NRXN3: variants seen among roughly 807,000 people sequenced by gnomAD.
NRXN3 encodes the protein neurexin 3.
A neutral mutation model predicts 137.6 loss-of-function variants in NRXN3; 32 were observed. That is an observed-to-expected ratio of 0.23 (90% confidence interval 0.18 to 0.31). The LOEUF (loss-of-function observed/expected upper bound fraction) is 0.31. NRXN3 is among the 10% of genes least tolerant of loss of function. The probability of loss-of-function intolerance (pLI) is 1.00; values close to 1 mark genes in which losing one functional copy is unlikely to be tolerated. For missense variants in NRXN3, 1,574 were observed against 2,062.5 expected, an observed-to-expected ratio of 0.76 and a Z score of 4.59; for synonymous variants, 798 against 784.5, an observed-to-expected ratio of 1.02 and a Z score of -0.29.
intron 4 of NRXN3, among the ~76,000 whole-genome samples, chr14:78,550,172 C>T (rs1373194312): frequency 1.3e-5 from 2 of 151,738 alleles, no homozygotes; most frequent in African/African-American, 2.4e-5. Flanking sequence ...GTAGCTGGAA[C>T]GACAGTCATG....
rs370708599 is a variant in NRXN3 at position 79,443,703 on chromosome 14, T to C, written c.3263-23518T>C. Among the ~76,000 whole-genome samples, 19 of 152,324 alleles carry C rather than the reference T, an allele frequency of 1.2e-4. No homozygotes were observed. The South Asian group carries it at 3.5e-3, about 28-fold the overall frequency. On this transcript the variant is annotated intron_variant, in intron 15 of 20. Transcript: ENST00000335750. ...CTCTGGTGTCCTGAATGAGGAATCT[T>C]TGGGGCAAGAAGGGTCCTGTCCTAT...
chr14:79,080,497 T>C (rs562986408), intron 15 of NRXN3, among the ~76,000 whole-genome samples: 1 of 139,936 alleles, frequency 7.1e-6, no homozygotes, highest in Non-Finnish European at 1.5e-5. Context: ...CCACACACAC[T>C]TTTCCCCCAG....
At chr14:78,753,357 C>T (rs1163235204) in intron 8 of NRXN3, among the ~76,000 whole-genome samples, 1 of 152,106 alleles carries the variant, frequency 6.6e-6, no homozygotes, top group Non-Finnish European at 1.5e-5. Flanking sequence ...ATCATTATGT[C>T]CTTAATTTCA....
chr14:78,881,905 A>G lies in NRXN3; in HGVS notation c.2275+71561A>G, dbSNP rs541508914. 7.3e-5 allele frequency among the ~76,000 whole-genome samples: 11 copies of G among 151,708 alleles called. No homozygotes were observed. In the South Asian group the frequency reaches 2.3e-3, roughly 31 times the overall value. ...AGAGACCACAACAGTCCCTCCCATCACAAACCTGGAGGCCTAGGAGGGAAA... is the reference window on the plus strand; with the variant it reads ...AGAGACCACAACAGTCCCTCCCATCGCAAACCTGGAGGCCTAGGAGGGAAA... On this transcript the variant is annotated intron_variant, in intron 10 of 20. Coordinates refer to ENST00000335750, the MANE Select transcript of NRXN3 (RefSeq NM_001330195.2).
intron 15 of NRXN3, among the ~76,000 whole-genome samples, chr14:79,293,079 T>G (rs917875499): frequency 8.5e-5 from 13 of 152,186 alleles, no homozygotes; most frequent in Non-Finnish European, 5.9e-5. Context: ...GTTTCTTGTT[T>G]TTTCCATGCC....
intron 10 of NRXN3, among the ~76,000 whole-genome samples, chr14:78,913,526 C>T (rs1459441615): frequency 1.3e-5 from 2 of 151,940 alleles, no homozygotes; most frequent in Non-Finnish European, 2.9e-5. Context: ...GATCTGCCTG[C>T]CTCGGCCTCC....
chr14:79,168,954 AT>A (rs2061532313), intron 15 of NRXN3, among the ~76,000 whole-genome samples: 1 of 152,060 alleles, frequency 6.6e-6, no homozygotes, highest in African/African-American at 2.4e-5. Context: ...CACTTCTCTG[AT>A]TCATGTGATG....
intron 15 of NRXN3, among the ~76,000 whole-genome samples, chr14:79,060,627 A>G (rs772390190): frequency 6.6e-6 from 1 of 152,214 alleles, no homozygotes; most frequent in African/African-American, 2.4e-5. Context: ...TTCAGAATTA[A>G]AAAGAAAGCA....
intron 16 of NRXN3, among the ~76,000 whole-genome samples, chr14:79,512,789 C>A (rs1338347673): frequency 6.6e-6 from 1 of 152,176 alleles, no homozygotes; most frequent in African/African-American, 2.4e-5. Flanking sequence ...TCCATTTACT[C>A]CACAGTCCGT....
At chr14:78,990,184 G>A (rs1598295388) in intron 15 of NRXN3, among the ~76,000 whole-genome samples, 1 of 152,002 alleles carries the variant, frequency 6.6e-6, no homozygotes, top group Non-Finnish European at 1.5e-5. Context: ...TAGGTTTAGG[G>A]CAATACATTT....
intron 10 of NRXN3, among the ~76,000 whole-genome samples, chr14:78,863,069 C>A (rs1315785309): frequency 6.6e-6 from 1 of 152,242 alleles, no homozygotes; most frequent in South Asian, 2.1e-4. Context: ...TTAAGCTAAA[C>A]TCCTGCCCAA....
At chr14:78,494,417 A>T (rs2153751842) in intron 4 of NRXN3, among the ~76,000 whole-genome samples, 1 of 105,570 alleles carries the variant, frequency 9.5e-6, no homozygotes, top group African/African-American at 2.9e-5. Context: ...ATCCTACCAG[A>T]GGTGTTTTGT....
chr14:78,895,134 A>AG (rs2099169814), intron 10 of NRXN3, among the ~76,000 whole-genome samples: 1 of 151,762 alleles, frequency 6.6e-6, no homozygotes, highest in African/African-American at 2.4e-5. Context: ...CGCCCTTTGA[A>AG]GTCAGGTATT....
At chr14:79,733,725 A>T (rs951045246) in intron 19 of NRXN3, among the ~76,000 whole-genome samples, 3 of 151,810 alleles carry the variant, frequency 2.0e-5, no homozygotes, top group Admixed American at 2.0e-4. Flanking sequence ...TAATAATCAC[A>T]GAAAAAAGAA....
intron 16 of NRXN3, among the ~76,000 whole-genome samples, chr14:79,648,826 C>T (rs920700956): frequency 6.6e-6 from 1 of 152,030 alleles, no homozygotes; most frequent in Non-Finnish European, 1.5e-5. Context: ...GCAGAGTTGG[C>T]GTGGCTCATC....
chr14:79,241,943 T>A (rs1440620550), intron 15 of NRXN3, among the ~76,000 whole-genome samples: 1 of 152,002 alleles, frequency 6.6e-6, no homozygotes, highest in African/African-American at 2.4e-5. Context: ...GGCAGGTGAC[T>A]ATAATCCCAG....
intron 10 of NRXN3, among the ~76,000 whole-genome samples, chr14:78,811,338 G>C (rs974180946): frequency 2.0e-5 from 3 of 152,132 alleles, no homozygotes; most frequent in African/African-American, 7.2e-5. Flanking sequence ...CACCACCTCG[G>C]AGTTCTTTAC....
At chr14:78,185,091 G>A (rs991918029) in intron 1 of NRXN3, among the ~76,000 whole-genome samples, 1 of 152,176 alleles carries the variant, frequency 6.6e-6, no homozygotes, top group African/African-American at 2.4e-5. Context: ...ATTCAATTCT[G>A]CAAGTATCTA....
intron 17 of NRXN3, among the ~76,000 whole-genome samples, chr14:79,678,139 AC>A (rs2098650596): frequency 6.7e-6 from 1 of 150,300 alleles, no homozygotes; most frequent in South Asian, 2.1e-4. Flanking sequence ...CATTCTTCCA[AC>A]CTCCCCCTAC....
Sources: allele counts gnomAD v4.1 joint callset (sites outside exome capture counted in the v4.1 genomes callset), GRCh38; gene constraint gnomAD v4.1.1; transcripts MANE v1.5; gene names NCBI Gene and HGNC (gene_info 2026-07-23, HGNC 2026-07-21).